CRMP1: variants seen among roughly 807,000 people sequenced by gnomAD.
CRMP1 encodes collapsin response mediator protein 1, also known as dihydropyrimidinase-related protein 1.
Under a neutral mutation model 68.3 loss-of-function variants are expected in CRMP1, and 19 were observed. The observed-to-expected ratio is 0.28, with a 90% CI of 0.19 to 0.41. The LOEUF (loss-of-function observed/expected upper bound fraction) is 0.41. Among genes scored for constraint, CRMP1 ranks in the 10% least tolerant of loss-of-function variants. CRMP1 has a pLI of 1.00. For synonymous variants in CRMP1, 439 were observed against 399.6 expected (o/e 1.10, Z -1.18); for missense variants, 791 against 967.4 (o/e 0.82, Z 2.42).
rs1182875649 is a variant in CRMP1 at position 5,821,529 on chromosome 4, C to G, written c.*231G>C. The G allele has an allele frequency of 1.8e-6, 1 of 543,024 alleles. No homozygotes were observed. Among genetic ancestry groups the G allele is most frequent in the African/African-American group, 1.9e-5 (1 of 53,282 alleles). 33.6% of individuals were successfully genotyped at this position (543,024 alleles called of 1,614,324 possible). On this transcript the variant is annotated 3_prime_UTR_variant, in exon 14 of 14. Transcript: ENST00000324989. The surrounding 1 kb of genome is among the most constrained non-coding windows in gnomAD (Gnocchi z 4.4). ...CACTAGGAAGGGGGAATGAAAACAC[C>G]ATGCTCCGAGGTGGATTCAGCATGA...
chr4:5,852,727 T>G (rs752578895), intron 4 of CRMP1, among the ~76,000 whole-genome samples: 3 of 152,164 alleles, frequency 2.0e-5, no homozygotes, highest in Non-Finnish European at 4.4e-5. Context: ...GCTCGCCATC[T>G]GGGCTGGGGT....
chr4:5,867,023 C>G (rs1264708118), intron 1 of CRMP1, among the ~76,000 whole-genome samples: 1 of 152,108 alleles, frequency 6.6e-6, no homozygotes, highest in Non-Finnish European at 1.5e-5. Context: ...CCTATAAATA[C>G]TTCACTAGAT....
chr4:5,848,625 G>A (rs1712400781), intron 6 of CRMP1, among the ~76,000 whole-genome samples: 2 of 152,202 alleles, frequency 1.3e-5, no homozygotes, highest in Admixed American at 1.3e-4. Flanking sequence ...CATACACGAT[G>A]TCTTACTCTG....
At chr4:5,857,458 C>A (rs1273585081) in intron 3 of CRMP1, among the ~76,000 whole-genome samples, 2 of 151,970 alleles carry the variant, frequency 1.3e-5, no homozygotes, top group Non-Finnish European at 2.9e-5. Flanking sequence ...GCAATGACAT[C>A]ATCACCATCA....
chr4:5,860,627 G>A lies in CRMP1; in HGVS notation c.655+399C>T, dbSNP rs1047141985. On this transcript the variant is annotated intron_variant, in intron 3 of 13. Coordinates refer to ENST00000324989, the MANE Select transcript of CRMP1 (RefSeq NM_001014809.3). This position sits in a 1 kb window ranked among gnomAD's most constrained non-coding sequence, Gnocchi z 4.2. The stretch of plus-strand genomic sequence containing the variant: ...ATAGCCATCTTCACATCATGTTGAA[G>A]GATTTTTTTTTTTTTTGCTTTATCT... Among the ~76,000 whole-genome samples, 2 of 96,620 alleles carry A rather than the reference G, an allele frequency of 2.1e-5. No individual in the cohort carries two copies. Among genetic ancestry groups the A allele is most frequent in the Admixed American group, 2.2e-4 (2 of 9,284 alleles). The allele number at this position is 96,620 out of a possible 152,430, so 63.4% of individuals were successfully genotyped here. A position where few individuals can be genotyped will look rare whatever the true frequency, so the allele number is the denominator to read the frequency against.
chr4:5,839,163 G>A (rs927462903), intron 9 of CRMP1, among the ~76,000 whole-genome samples: 1 of 152,158 alleles, frequency 6.6e-6, no homozygotes, highest in African/African-American at 2.4e-5. Flanking sequence ...GTAAAACGAG[G>A]GAGACAGAGA....
intron 1 of CRMP1, among the ~76,000 whole-genome samples, chr4:5,871,889 CGT>C (rs1560515551): frequency 2.0e-5 from 3 of 152,138 alleles, no homozygotes; most frequent in Non-Finnish European, 4.4e-5. Context: ...TTTGAAGTTA[CGT>C]GCTTTGTGAC....
rs112749296 is a variant in CRMP1, at chr4:5,883,681, T to C, written c.381+8908A>G. On this transcript the variant is annotated intron_variant, in intron 1 of 13. Transcript: ENST00000324989. The surrounding 1 kb of genome is among the most constrained non-coding windows in gnomAD (Gnocchi z 4.5). Reference sequence around the variant, plus strand: ...ACACACACACACACACACACACACATGCTTGCCCACCACACCTGCTGGTTA... The same window carrying C: ...ACACACACACACACACACACACACACGCTTGCCCACCACACCTGCTGGTTA... 1.3e-4 allele frequency among the ~76,000 whole-genome samples: 11 copies of C among 86,444 alleles called. No homozygotes were observed. The highest frequency in any genetic ancestry group is 4.2e-4 in the East Asian group (1 of 2,380). 56.7% of individuals were successfully genotyped at this position (86,444 alleles called of 152,430 possible). A position where few individuals can be genotyped will look rare whatever the true frequency, so the allele number is the denominator to read the frequency against.
At chr4:5,844,484 T>G (rs1162017656) in intron 6 of CRMP1, among the ~76,000 whole-genome samples, 1 of 152,040 alleles carries the variant, frequency 6.6e-6, no homozygotes, top group African/African-American at 2.4e-5. Context: ...AGAGTAGGAT[T>G]TCTAGTCTAA....
chr4:5,852,139 C>T (rs1413643103), intron 4 of CRMP1, among the ~76,000 whole-genome samples: 1 of 152,190 alleles, frequency 6.6e-6, no homozygotes, highest in African/African-American at 2.4e-5. Flanking sequence ...TGTCCTAAAG[C>T]ATGTGCTTTT....
Position 5,842,866 on chromosome 4 carries a change from G to A in CRMP1, c.1032+227C>T, listed in dbSNP as rs115419798. On this transcript the variant is annotated intron_variant, in intron 7 of 13. Transcript: ENST00000324989. The surrounding 1 kb of genome is among the most constrained non-coding windows in gnomAD (Gnocchi z 4.5). ...CCACTTGGGACACTGAAGCACCCACGGGGCCTTGGAGTGAAGTTCCAGGAC... is the reference window on the plus strand; with the variant it reads ...CCACTTGGGACACTGAAGCACCCACAGGGCCTTGGAGTGAAGTTCCAGGAC... 0.016 allele frequency among the ~76,000 whole-genome samples: 2,444 copies of A among 152,260 alleles called. 52 individuals carry two copies. The highest frequency in any genetic ancestry group is 0.055 in the African/African-American group (2,272 of 41,548).
chr4:5,868,934 T>C (rs1227186388), intron 1 of CRMP1, among the ~76,000 whole-genome samples: 1 of 152,166 alleles, frequency 6.6e-6, no homozygotes, highest in African/African-American at 2.4e-5. Flanking sequence ...TATTAATGTT[T>C]GTTAATTTGT....
chr4:5,839,427 A>T, intron 9 of CRMP1, 95 bp downstream of exon 9: 11 of 1,456,834 alleles, frequency 7.6e-6, no homozygotes, highest in Non-Finnish European at 1.0e-5. Context: ...CTCTACAATC[A>T]TGAGTCCAAA....
At chr4:5,856,412 A>ATCATCATCATCACCATCACCACCAT in intron 3 of CRMP1, 105 bp from the exon 4 acceptor site, 1 of 980,830 alleles carries the variant, frequency 1.0e-6, no homozygotes, top group African/African-American at 1.6e-5. Context: ...CATCACCACC[A>ATCATCATCATCACCATCACCACCAT]TCATCATCAT....
intron 1 of CRMP1, among the ~76,000 whole-genome samples, chr4:5,868,271 A>ATCTATC (rs1307662998): frequency 8.1e-5 from 2 of 24,676 alleles, no homozygotes; most frequent in Admixed American, 3.2e-4. Flanking sequence ...CTATATATAT[A>ATCTATC]TATATATATA....
chr4:5,827,725 G>A (rs571665686), intron 12 of CRMP1, among the ~76,000 whole-genome samples: 1 of 126,084 alleles, frequency 7.9e-6, no homozygotes, highest in South Asian at 2.4e-4. Context: ...ATACACACAT[G>A]TGCGCGTGCA....
rs57705133 is a variant in CRMP1 at position 5,883,262 on chromosome 4, C to CCTT, written c.381+9326_381+9327insAAG. 2.2e-4 allele frequency among the ~76,000 whole-genome samples: 31 copies of CCTT among 141,830 alleles called. No homozygotes were observed. Among genetic ancestry groups the CCTT allele is most frequent in the African/African-American group, 6.3e-4 (23 of 36,408 alleles). The allele number at this position is 141,830 out of a possible 152,430, so 93.0% of individuals were successfully genotyped here. A position where few individuals can be genotyped will look rare whatever the true frequency, so the allele number is the denominator to read the frequency against. On this transcript the variant is annotated intron_variant, in intron 1 of 13. Coordinates refer to ENST00000324989, the MANE Select transcript of CRMP1 (RefSeq NM_001014809.3). This position sits in a 1 kb window ranked among gnomAD's most constrained non-coding sequence, Gnocchi z 4.5. ...TTCCTTCCTTCCTTCCTTCCTTCCT[C>CCTT]CCTCCCTCCCTCCCTTCCTGTCTTT...
rs1715941515 is a variant in CRMP1, at chr4:5,891,310, G to C, written c.381+1279C>G. 6.6e-6 allele frequency among the ~76,000 whole-genome samples: 1 copy of C among 151,794 alleles called. No homozygotes were observed. The highest frequency in any genetic ancestry group is 1.5e-5 in the Non-Finnish European group (1 of 67,982). ...CCCGCGAAGGGATGGGGCCCGAAGAGGCCCACCACCGTGTTTACCAGTTCC... is the reference window on the plus strand; with the variant it reads ...CCCGCGAAGGGATGGGGCCCGAAGACGCCCACCACCGTGTTTACCAGTTCC... On this transcript the variant is annotated intron_variant, in intron 1 of 13. Transcript: ENST00000324989. This position sits in a 1 kb window ranked among gnomAD's most constrained non-coding sequence, Gnocchi z 5.2.
rs145368415 is a variant in CRMP1 at position 5,872,423 on chromosome 4, A to T, written c.382-5667T>A. The stretch of plus-strand genomic sequence containing the variant: ...TAACCTAGGCCAGGTGCGGTGGCTC[A>T]CGCCTGTAATCCCAGCACTTTGGGA... On this transcript the variant is annotated intron_variant, in intron 1 of 13. Coordinates refer to ENST00000324989, the MANE Select transcript of CRMP1 (RefSeq NM_001014809.3). The surrounding 1 kb of genome is among the most constrained non-coding windows in gnomAD (Gnocchi z 4.6). 0.02 allele frequency among the ~76,000 whole-genome samples: 3,013 copies of T among 152,308 alleles called. 58 individuals are homozygous for T. The highest frequency in any genetic ancestry group is 0.047 in the South Asian group (227 of 4,820).
Sources: allele counts gnomAD v4.1 joint callset (sites outside exome capture counted in the v4.1 genomes callset), GRCh38; gene constraint gnomAD v4.1.1; non-coding constraint Gnocchi (gnomAD v3.1); transcripts MANE v1.5; gene names NCBI Gene and HGNC (gene_info 2026-07-23, HGNC 2026-07-21).